The following SPTA1 variants were observed in gnomAD, a reference collection of about 807,000 sequenced individuals.
SPTA1 encodes the protein spectrin alpha, erythrocytic 1, also known as spectrin alpha chain, erythrocytic 1.
SPTA1 carries 177 observed loss-of-function variants against 324.7 expected under a neutral mutation model. The ratio of observed to expected loss-of-function variants is 0.55; its 90% CI spans 0.48 to 0.62. SPTA1 has a LOEUF of 0.62. SPTA1 is among the 20% of genes least tolerant of loss of function. The pLI is 0.00. For synonymous variants in SPTA1, 1,195 were observed against 1,041.3 expected, an observed-to-expected ratio of 1.15 and a Z score of -2.84; for missense variants, 3,162 against 2,883.6, an observed-to-expected ratio of 1.10 and a Z score of -2.21.
In SPTA1 at chr1:158,646,967, C is replaced by T. The variant is rs553759590; in HGVS notation, c.3896+572G>A. ...TATTCACAGTTCTCTGGAATTTGGT[C>T]CCAATATTATTTTTAAGTTTATCTC... On this transcript the variant is annotated intron_variant, in intron 27 of 51. Coordinates refer to ENST00000643759, the MANE Select transcript of SPTA1 (RefSeq NM_003126.4). Among the ~76,000 whole-genome samples the T allele has an allele frequency of 7.2e-4, 110 of 152,162 alleles. No individual in the cohort carries two copies. In the South Asian group the frequency reaches 0.022, roughly 30 times the overall value.
chr1:158,670,633 A>G (rs1465664748), intron 12 of SPTA1, among the ~76,000 whole-genome samples: 1 of 152,192 alleles, frequency 6.6e-6, no homozygotes, highest in Non-Finnish European at 1.5e-5. Context: ...CCAGAGACAT[A>G]CAATGTATTG....
chr1:158,681,371 C>A (rs1413231377), intron 4 of SPTA1, among the ~76,000 whole-genome samples, 156 bp downstream of exon 4: 4 of 152,110 alleles, frequency 2.6e-5, no homozygotes, highest in African/African-American at 7.2e-5. Context: ...CCTCCAGATA[C>A]CCCTACATTT....
chr1:158,651,484 C>T lies in SPTA1; in HGVS notation c.3376-16G>A, dbSNP rs751903368. On this transcript the variant is annotated splice_polypyrimidine_tract_variant and intron_variant, in intron 23 of 51. Transcript: ENST00000643759. ...TATTCAAATCCTGAATGGGAAAATTCATCCAAAGCAGTGTAAATTCATCCA... is the reference window on the plus strand; with the variant it reads ...TATTCAAATCCTGAATGGGAAAATTTATCCAAAGCAGTGTAAATTCATCCA... 1.3e-6 allele frequency: 2 copies of T among 1,544,734 alleles called. No homozygotes were observed. The highest frequency in any genetic ancestry group is 1.8e-6 in the Non-Finnish European group (2 of 1,117,712).
rs577968613 is a variant in SPTA1, at chr1:158,634,610, G to A, written c.5498C>T (p.Ala1833Val). The change falls in exon 39 of 52, where the codon GCT (alanine) becomes GTT (valine). Residue 1833 changes from alanine (A) to valine (V), a missense_variant. Transcript: ENST00000643759. ...CAAAGCATTCTTTTCATTGATCCAA[G>A]CTTCCTCTTCCTCAGCATTCTGCAT... ...QFMQNAEEEE[A>V]WINEKNALAV... is the part of the protein sequence containing the mutation. The A allele has an allele frequency of 4.3e-6, 7 of 1,614,098 alleles. No homozygotes were observed. In the South Asian group the frequency reaches 7.7e-5, roughly 18 times the overall value.
At chr1:158,624,626 A>G (rs374463205) in intron 42 of SPTA1, among the ~76,000 whole-genome samples, 128 of 152,328 alleles carry the variant, frequency 8.4e-4, no homozygotes, top group African/African-American at 2.9e-3. Flanking sequence ...AGACAATCTC[A>G]TGGAGCTAAA....
intron 27 of SPTA1, among the ~76,000 whole-genome samples, chr1:158,646,510 CAG>C (rs1652009922): frequency 6.6e-6 from 1 of 151,972 alleles, no homozygotes; most frequent in African/African-American, 2.4e-5. Context: ...AAACAAAAAA[CAG>C]AGCATAGGCA....
At chr1:158,672,219 T>C (rs775162502) in intron 10 of SPTA1, 23 bp from the exon 11 acceptor site, 5 of 1,603,948 alleles carry the variant, frequency 3.1e-6, no homozygotes, top group East Asian at 4.5e-5. Flanking sequence ...GGAGATAATG[T>C]ATATGGAAGA....
At chr1:158,639,377 T>C (rs1384430480) in intron 35 of SPTA1, 2 of 610,264 alleles carry the variant, frequency 3.3e-6, no homozygotes, top group East Asian at 5.7e-5. Context: ...TCTTAAAGTC[T>C]ATAGTTTAGG....
At position 158,615,348 on chromosome 1, in the gene SPTA1, A is replaced by T. The variant is rs374751703; in HGVS notation, c.6656T>A (p.Leu2219Gln). ...CAGAGCGTCTTCCAAGTTGTCCCCCAGGTCCACAATCTTGGTTAGTTGACG... is the reference window on the plus strand; with the variant it reads ...CAGAGCGTCTTCCAAGTTGTCCCCCTGGTCCACAATCTTGGTTAGTTGACG... The part of the protein sequence containing the change: ...MKRQLTKIVD[L>Q]GDNLEDALIL... Residue 2219 changes from leucine (L) to glutamine (Q), a missense_variant, in exon 48 of 52, where the codon CTG becomes CAG. Transcript: ENST00000643759. 1 of 1,614,100 alleles carries T rather than the reference A, an allele frequency of 6.2e-7. No homozygotes were observed. Among genetic ancestry groups the T allele is most frequent in the East Asian group, 2.2e-5 (1 of 44,886 alleles).
chr1:158,652,363 G>T (rs1041333606), intron 23 of SPTA1, 104 bp downstream of exon 23: 2 of 1,324,910 alleles, frequency 1.5e-6, no homozygotes, highest in Non-Finnish European at 2.1e-6. Context: ...TAGCTTTGGG[G>T]AGAATATTTA....
In SPTA1 at chr1:158,639,510, C is replaced by G. The variant is rs17635857; in HGVS notation, c.4980+72G>C. The G allele has an allele frequency of 0.27, 408,249 of 1,498,374 alleles. 57,225 individuals are homozygous for G. The highest frequency in any genetic ancestry group is 0.28 in the Non-Finnish European group (302,301 of 1,075,966). The allele number at this position is 1,498,374 out of a possible 1,614,324, so 92.8% of individuals were successfully genotyped here. On this transcript the variant is annotated intron_variant, in intron 35 of 51. Coordinates refer to ENST00000643759, the MANE Select transcript of SPTA1 (RefSeq NM_003126.4). ...CAAGGCTATGTTTTCAAATGGTCTCCTAACATGGGAGGGAGAAGAGCCAGA... is the reference window on the plus strand; with the variant it reads ...CAAGGCTATGTTTTCAAATGGTCTCGTAACATGGGAGGGAGAAGAGCCAGA...
chr1:158,657,346 C>A (rs888788998), intron 19 of SPTA1, 131 bp downstream of exon 19: 1 of 916,936 alleles, frequency 1.1e-6, no homozygotes, highest in South Asian at 1.4e-5. Flanking sequence ...TGAAGGCCAA[C>A]GGCGACCACT....
chr1:158,647,793 T>A, intron 26 of SPTA1, 73 bp from the exon 27 acceptor site: 2 of 1,522,628 alleles, frequency 1.3e-6, no homozygotes, highest in Non-Finnish European at 1.8e-6. Flanking sequence ...GAATCCTGAG[T>A]CCCAGTATTC....
chr1:158,623,186 G>T lies in SPTA1; in HGVS notation c.5917C>A (p.Leu1973Met). 6.2e-7 allele frequency: 1 copy of T among 1,614,122 alleles called. No individual in the cohort carries two copies. Among genetic ancestry groups the T allele is most frequent in the Admixed American group, 1.7e-5 (1 of 60,026 alleles). Reference protein sequence around the residue: ...FLTLLAKQDTLDASLQSFQQE... With the variant: ...FLTLLAKQDTMDASLQSFQQE... ...TGGAAACTCTGCAGACTGGCATCCA[G>T]AGTGTCCTGAGAAAGATCAGGAGAG... Residue 1973 changes from leucine to methionine, a missense_variant, in exon 43 of 52, where the codon CTG (leucine) becomes ATG (methionine). Coordinates refer to ENST00000643759, the MANE Select transcript of SPTA1 (RefSeq NM_003126.4).
intron 37 of SPTA1, 145 bp from the exon 38 acceptor site, chr1:158,636,179 G>A: frequency 2.1e-6 from 3 of 1,411,872 alleles, no homozygotes; most frequent in Non-Finnish European, 3.0e-6. Flanking sequence ...GAAAGTCCAG[G>A]GAGAATGATG....
chr1:158,643,613 G>A (rs979512757), intron 30 of SPTA1, among the ~76,000 whole-genome samples, 188 bp from the exon 31 acceptor site: 2 of 152,144 alleles, frequency 1.3e-5, no homozygotes, highest in Admixed American at 1.3e-4. Flanking sequence ...CTAATAATGG[G>A]CTACTTGTGT....
intron 7 of SPTA1, 75 bp downstream of exon 7, chr1:158,677,615 A>C: frequency 6.3e-7 from 1 of 1,575,728 alleles, no homozygotes; most frequent in Non-Finnish European, 8.7e-7. Flanking sequence ...CTCTGGAGGC[A>C]CGGTAATAGG....
At chr1:158,611,425 G>T (rs1356226855) in intron 51 of SPTA1, 36 bp from the exon 52 acceptor site, 1 of 1,611,718 alleles carries the variant, frequency 6.2e-7, no homozygotes, top group Non-Finnish European at 8.5e-7. Flanking sequence ...ACAGTTATAG[G>T]GATTCAAAAT....
chr1:158,625,075 AC>A (rs1185115418), intron 42 of SPTA1, among the ~76,000 whole-genome samples: 1 of 152,268 alleles, frequency 6.6e-6, no homozygotes, highest in Non-Finnish European at 1.5e-5. Context: ...AAACAGACTC[AC>A]TTTTTCCATA....
Sources: allele counts gnomAD v4.1 joint callset (sites outside exome capture counted in the v4.1 genomes callset), GRCh38; gene constraint gnomAD v4.1.1; transcripts MANE v1.5; gene names NCBI Gene and HGNC (gene_info 2026-07-23, HGNC 2026-07-21).